The following SUGCT variants were observed in gnomAD, a reference collection of about 807,000 sequenced individuals.
SUGCT encodes succinyl-CoA:glutarate CoA-transferase.
Under a neutral mutation model 55.0 loss-of-function variants are expected in SUGCT, and 41 were observed. That is an observed-to-expected ratio of 0.74 (90% confidence interval 0.58 to 0.97). SUGCT has a LOEUF of 0.97. Among genes scored for constraint, SUGCT ranks in the 50% least tolerant of loss-of-function variants. The probability of loss-of-function intolerance (pLI) is 0.00; values close to 1 mark genes in which losing one functional copy is unlikely to be tolerated. For missense variants in SUGCT, 568 were observed against 547.8 expected (o/e 1.04, Z -0.37); for synonymous variants, 187 against 200.4 (o/e 0.93, Z 0.56).
chr7:40,853,928 C>T (rs1294532233), intron 13 of SUGCT, among the ~76,000 whole-genome samples: 2 of 150,610 alleles, frequency 1.3e-5, no homozygotes, highest in African/African-American at 2.4e-5. Context: ...TTAGCAAACA[C>T]AATTGACATT....
chr7:40,332,516 C>G (rs1427513442), intron 9 of SUGCT, among the ~76,000 whole-genome samples: 3 of 142,072 alleles, frequency 2.1e-5, no homozygotes, highest in Non-Finnish European at 3.0e-5. Context: ...TAAAATGCAT[C>G]TCAAGAAACT....
At chr7:40,257,605 G>T (rs2150952906) in intron 7 of SUGCT, among the ~76,000 whole-genome samples, 1 of 152,310 alleles carries the variant, frequency 6.6e-6, no homozygotes, top group East Asian at 1.9e-4. Flanking sequence ...ACTGGGTGTG[G>T]TGGCTTATGC....
At chr7:40,955,689 G>A in the SUGCT span, among the ~76,000 whole-genome samples, 1 of 152,120 alleles carries the variant, frequency 6.6e-6, no homozygotes. Context: ...GAGTGAGAGA[G>A]GGCATCCTTG....
chr7:40,637,606 C>T (rs1231554184), intron 12 of SUGCT, among the ~76,000 whole-genome samples: 1 of 152,194 alleles, frequency 6.6e-6, no homozygotes, highest in Non-Finnish European at 1.5e-5. Flanking sequence ...AAACTGGCTA[C>T]CCCCACTTCA....
intron 12 of SUGCT, among the ~76,000 whole-genome samples, chr7:40,655,949 A>G (rs2151846181): frequency 6.6e-6 from 1 of 152,278 alleles, no homozygotes; most frequent in Non-Finnish European, 1.5e-5. Context: ...TTGCCTTTGG[A>G]AAAATAAGTT....
intron 13 of SUGCT, among the ~76,000 whole-genome samples, chr7:40,857,491 T>C (rs891124303): frequency 6.6e-6 from 1 of 152,200 alleles, no homozygotes; most frequent in African/African-American, 2.4e-5. Flanking sequence ...AGATATTTTA[T>C]GCAAAAGGTT....
chr7:40,958,088 T>C, the SUGCT span, among the ~76,000 whole-genome samples: 1 of 152,178 alleles, frequency 6.6e-6, no homozygotes, highest in Non-Finnish European at 1.5e-5. Flanking sequence ...CTGGCTGCCC[T>C]TAAGATTTTT....
intron 9 of SUGCT, among the ~76,000 whole-genome samples, chr7:40,327,615 T>G (rs1315089786): frequency 1.3e-5 from 2 of 152,192 alleles, no homozygotes; most frequent in Non-Finnish European, 2.9e-5. Flanking sequence ...TAGAAGGTGG[T>G]GCAAGGAAAG....
At chr7:40,669,346 CAAAAAAAAAAA>C (rs33947436) in intron 12 of SUGCT, among the ~76,000 whole-genome samples, 4 of 90,766 alleles carry the variant, frequency 4.4e-5, no homozygotes, top group Non-Finnish European at 7.3e-5. Flanking sequence ...GTGTAAGCTT[CAAAAAAAAAAA>C]AAAAAAAAAA....
At chr7:40,908,369 C>T in the SUGCT span, among the ~76,000 whole-genome samples, 2 of 125,832 alleles carry the variant, frequency 1.6e-5, no homozygotes, top group East Asian at 2.3e-4. Flanking sequence ...GGGCACAGAG[C>T]GAGACTCTGT....
At chr7:40,273,856 A>C (rs1792275498) in intron 7 of SUGCT, among the ~76,000 whole-genome samples, 1 of 152,132 alleles carries the variant, frequency 6.6e-6, no homozygotes, top group African/African-American at 2.4e-5. Context: ...TTTTATACCC[A>C]GATAGTTGCA....
chr7:40,978,324 G>T, the SUGCT span, among the ~76,000 whole-genome samples: 1 of 152,200 alleles, frequency 6.6e-6, no homozygotes, highest in Non-Finnish European at 1.5e-5. Flanking sequence ...TGCTCTCCAG[G>T]CTTCTTTGAC....
chr7:41,028,752 A>T, the SUGCT span, among the ~76,000 whole-genome samples: 1 of 152,232 alleles, frequency 6.6e-6, no homozygotes, highest in South Asian at 2.1e-4. Flanking sequence ...AGTTCTTGGC[A>T]GAACCTAAAT....
chr7:40,924,294 G>GTGTGTGTGTGTGTGTA, the SUGCT span, among the ~76,000 whole-genome samples: 8 of 151,798 alleles, frequency 5.3e-5, no homozygotes, highest in African/African-American at 1.9e-4. Context: ...GTGTGTGTGT[G>GTGTGTGTGTGTGTGTA]TAGTGGCATG....
chr7:40,617,123 G>T (rs756612507), intron 12 of SUGCT, among the ~76,000 whole-genome samples: 2 of 151,228 alleles, frequency 1.3e-5, no homozygotes, highest in Non-Finnish European at 1.5e-5. Flanking sequence ...AAAGACATTT[G>T]CCTCTATTTC....
chr7:40,749,174 A>C (rs766566621), intron 12 of SUGCT, among the ~76,000 whole-genome samples: 1 of 152,200 alleles, frequency 6.6e-6, no homozygotes, highest in South Asian at 2.1e-4. Context: ...GGAGCAAATA[A>C]AAATTTTAAG....
At position 40,135,055 on chromosome 7, in the gene SUGCT, G is replaced by T. The variant is rs752451426; in HGVS notation, c.35G>T (p.Arg12Leu). 6.4e-7 allele frequency: 1 copy of T among 1,561,358 alleles called. No homozygotes were observed. Among genetic ancestry groups the T allele is most frequent in the Non-Finnish European group, 8.7e-7 (1 of 1,154,190 alleles). ...LATLARVAALRRTCLFSGRGG... is the reference protein window; with the variant it reads ...LATLARVAALLRTCLFSGRGG... Reference sequence around the variant, plus strand: ...ACGCTGGCGAGGGTGGCAGCTCTGCGCAGAACCTGCCTCTTCTCCGGCCGG... The same window carrying T: ...ACGCTGGCGAGGGTGGCAGCTCTGCTCAGAACCTGCCTCTTCTCCGGCCGG... The change falls in exon 1 of 14, where the codon CGC becomes CTC. Residue 12 changes from arginine to leucine, a missense_variant. Coordinates refer to ENST00000335693, the MANE Select transcript of SUGCT (RefSeq NM_001193313.2).
chr7:41,020,070 A>G, the SUGCT span, among the ~76,000 whole-genome samples: 1 of 152,336 alleles, frequency 6.6e-6, no homozygotes, highest in East Asian at 1.9e-4. Flanking sequence ...AGTGAAAATA[A>G]CACTCAATTG....
intron 13 of SUGCT, among the ~76,000 whole-genome samples, chr7:40,815,849 C>T (rs767909017): frequency 5.3e-5 from 8 of 152,232 alleles, no homozygotes; most frequent in East Asian, 1.9e-4. Flanking sequence ...GTGAATGGAG[C>T]GGCAAGAGCT....
Sources: allele counts gnomAD v4.1 joint callset (sites outside exome capture counted in the v4.1 genomes callset), GRCh38; gene constraint gnomAD v4.1.1; transcripts MANE v1.5; gene names NCBI Gene and HGNC (gene_info 2026-07-23, HGNC 2026-07-21).